Variants in AIM2 observed in about 807,000 individuals in gnomAD.
AIM2 encodes the protein interferon-inducible protein AIM2.
A neutral mutation model predicts 27.7 loss-of-function variants in AIM2; 30 were observed. That is an observed-to-expected ratio of 1.08 (90% CI 0.81 to 1.47). The LOEUF is 1.47. AIM2 is among the 40% of genes most tolerant of loss of function. The probability of loss-of-function intolerance (pLI) is 0.00; values close to 1 mark genes in which losing one functional copy is unlikely to be tolerated. For missense variants in AIM2, 358 were observed against 411.3 expected (o/e 0.87, Z 1.12); for synonymous variants, 141 against 145.3 (o/e 0.97, Z 0.21).
intron 2 of AIM2, among the ~76,000 whole-genome samples, chr1:159,071,429 A>G (rs1226892123): frequency 6.6e-6 from 1 of 152,244 alleles, no homozygotes; most frequent in Non-Finnish European, 1.5e-5. Context: ...CGGCCTAAGT[A>G]TGTCCGTGGA....
intron 1 of AIM2, among the ~76,000 whole-genome samples, chr1:159,134,647 C>T (rs1647980680): frequency 6.6e-6 from 1 of 152,160 alleles, no homozygotes. Context: ...GCCTGGACAA[C>T]AGGGTGAAAC....
chr1:159,061,472 A>G (rs1272054474), downstream of AIM2, among the ~76,000 whole-genome samples: 1 of 151,824 alleles, frequency 6.6e-6, no homozygotes, highest in Non-Finnish European at 1.5e-5. Context: ...AGCTCACTGC[A>G]AACTCCGCCT....
upstream of AIM2, among the ~76,000 whole-genome samples, chr1:159,078,475 C>T (rs1195917699): frequency 6.6e-6 from 1 of 152,140 alleles, no homozygotes; most frequent in Non-Finnish European, 1.5e-5. Flanking sequence ...ACTGAGTAAA[C>T]GAGAGAAAGC....
intron 1 of AIM2, among the ~76,000 whole-genome samples, chr1:159,105,501 T>G (rs1285590662): frequency 6.6e-6 from 1 of 152,150 alleles, no homozygotes; most frequent in African/African-American, 2.4e-5. Context: ...CCAGGAAGAA[T>G]GAACTAAGTG....
chr1:159,104,127 G>C (rs1179164817), intron 1 of AIM2, among the ~76,000 whole-genome samples: 2 of 152,080 alleles, frequency 1.3e-5, no homozygotes, highest in Non-Finnish European at 2.9e-5. Context: ...TGAATATGAG[G>C]ATGCCAATAT....
intron 1 of AIM2, among the ~76,000 whole-genome samples, chr1:159,113,372 T>C (rs1300564570): frequency 6.6e-6 from 1 of 152,236 alleles, no homozygotes; most frequent in Non-Finnish European, 1.5e-5. Flanking sequence ...AATATAAATT[T>C]GTCAATTAAG....
Position 159,073,361 on chromosome 1 carries a change from G to C in AIM2, c.139C>G (p.Gln47Glu). 6.2e-7 allele frequency: 1 copy of C among 1,614,162 alleles called. No homozygotes were observed. The highest frequency in any genetic ancestry group is 8.5e-7 in the Non-Finnish European group (1 of 1,180,036). Reference sequence around the variant, plus strand: ...TTTTGAATCATCAAGGTAGCTACTTGTATTCTGTTTGCAGTATGTAGTTTG... The same window carrying C: ...TTTTGAATCATCAAGGTAGCTACTTCTATTCTGTTTGCAGTATGTAGTTTG... Reference protein sequence around the residue: ...TGKLHTANRIQVATLMIQNAG... With the variant: ...TGKLHTANRIEVATLMIQNAG... Residue 47 changes from glutamine (Q) to glutamate (E), a missense_variant, in exon 2 of 6, where the codon CAA (glutamine) becomes GAA (glutamate). Transcript: ENST00000368130.
intron 1 of AIM2, among the ~76,000 whole-genome samples, chr1:159,106,074 A>G (rs1219330947): frequency 6.6e-6 from 1 of 152,108 alleles, no homozygotes; most frequent in Non-Finnish European, 1.5e-5. Context: ...TCCACACTGG[A>G]GCAGATGCCA....
upstream of AIM2, among the ~76,000 whole-genome samples, chr1:159,143,593 C>T (rs1648152697): frequency 8.6e-6 from 1 of 115,718 alleles, no homozygotes; most frequent in Admixed American, 8.0e-5. Context: ...CACACACACA[C>T]ACACACACAC....
chr1:159,062,744 T>G (rs759612640), intron 5 of AIM2, 26 bp from the exon 6 acceptor site: 11 of 1,612,764 alleles, frequency 6.8e-6, no homozygotes, highest in Non-Finnish European at 9.3e-6. Context: ...AAACATGCAG[T>G]CTGAGATGCA....
chr1:159,137,730 G>C (rs1648037946), intron 1 of AIM2, among the ~76,000 whole-genome samples: 1 of 152,174 alleles, frequency 6.6e-6, no homozygotes, highest in African/African-American at 2.4e-5. Flanking sequence ...ATATGTTAGA[G>C]AGTTTTCTGC....
intron 1 of AIM2, among the ~76,000 whole-genome samples, chr1:159,128,588 C>T (rs1187679099): frequency 6.6e-6 from 1 of 152,132 alleles, no homozygotes; most frequent in Non-Finnish European, 1.5e-5. Context: ...CATGGAAAGC[C>T]ACTTGCCAGT....
intron 1 of AIM2, among the ~76,000 whole-genome samples, chr1:159,101,697 G>C (rs1657314906): frequency 6.6e-6 from 1 of 152,162 alleles, no homozygotes; most frequent in Non-Finnish European, 1.5e-5. Flanking sequence ...GAACTTCTTG[G>C]GAGCTGGAGC....
intron 1 of AIM2, among the ~76,000 whole-genome samples, chr1:159,115,634 T>C (rs976568272): frequency 1.3e-5 from 2 of 152,220 alleles, no homozygotes; most frequent in Admixed American, 1.3e-4. Context: ...TAGCCATATG[T>C]AGAAAGCTGA....
chr1:159,124,625 G>A (rs1284655920), intron 1 of AIM2, among the ~76,000 whole-genome samples: 1 of 152,200 alleles, frequency 6.6e-6, no homozygotes, highest in African/African-American at 2.4e-5. Flanking sequence ...GTGGCATGAC[G>A]ATTATTAGAA....
chr1:159,096,209 G>C (rs538696065), intron 1 of AIM2, among the ~76,000 whole-genome samples: 1 of 152,296 alleles, frequency 6.6e-6, no homozygotes, highest in Admixed American at 6.5e-5. Context: ...GCAACTTTGT[G>C]TAGTAGAAAA....
intron 1 of AIM2, among the ~76,000 whole-genome samples, chr1:159,105,117 G>C (rs1195147969): frequency 6.6e-6 from 1 of 152,214 alleles, no homozygotes; most frequent in Non-Finnish European, 1.5e-5. Flanking sequence ...AGAGCAGCAA[G>C]GGGTGTGTGA....
downstream of AIM2, among the ~76,000 whole-genome samples, chr1:159,058,372 G>C (rs1655722328): frequency 1.3e-5 from 2 of 151,660 alleles, no homozygotes; most frequent in Non-Finnish European, 2.9e-5. Flanking sequence ...AAAAAGGAGT[G>C]GGGGATGAAG....
chr1:159,136,021 C>T lies in AIM2; in HGVS notation c.-16+4410G>A, dbSNP rs561391505. Reference sequence around the variant, plus strand: ...CAGAGAAGTCCTAACACGACCCTTTCCACGGGGACTAGAATCTGAGGATTG... The same window carrying T: ...CAGAGAAGTCCTAACACGACCCTTTTCACGGGGACTAGAATCTGAGGATTG... On this transcript the variant is annotated intron_variant, in intron 1 of 2. Transcript: ENST00000368129. 1.1e-4 allele frequency among the ~76,000 whole-genome samples: 16 copies of T among 152,332 alleles called. No homozygotes were observed. The East Asian group carries it at 1.7e-3, about 17-fold the overall frequency.
Sources: gnomAD v4.1 joint callset for allele counts (sites outside exome capture counted in the v4.1 genomes callset) on GRCh38, gnomAD v4.1.1 for gene constraint, MANE v1.5 for transcripts, NCBI Gene and HGNC (gene_info 2026-07-23, HGNC 2026-07-21) for gene names.